RAD51B: variants seen among roughly 807,000 people sequenced by gnomAD.
The protein encoded by RAD51B is RAD51 paralog B, also known as DNA repair protein RAD51 homolog 2.
In RAD51B, 38 loss-of-function variants were observed where a neutral mutation model predicts 42.2. The observed-to-expected ratio is 0.90, with a 90% CI of 0.70 to 1.18. RAD51B has a LOEUF of 1.18. Among genes scored for constraint, RAD51B ranks in the 50% most tolerant of loss-of-function variants. The probability of loss-of-function intolerance (pLI) is 0.00; values close to 1 mark genes in which losing one functional copy is unlikely to be tolerated. For synonymous variants in RAD51B, 154 were observed against 145.2 expected (o/e 1.06, Z -0.43); for missense variants, 373 against 400.7 (o/e 0.93, Z 0.59).
chr14:68,469,501 T>C (rs2086069253), intron 10 of RAD51B, among the ~76,000 whole-genome samples: 1 of 152,268 alleles, frequency 6.6e-6, no homozygotes, highest in South Asian at 2.1e-4. Flanking sequence ...TGACTTATGC[T>C]ATCCAAGTTC....
chr14:68,612,479 AAGATG>A, downstream of RAD51B, among the ~76,000 whole-genome samples: 1 of 152,356 alleles, frequency 6.6e-6, no homozygotes, highest in South Asian at 2.1e-4. Context: ...GCTCTGGAAC[AAGATG>A]ACTCTTTGCC....
intron 9 of RAD51B, among the ~76,000 whole-genome samples, chr14:68,457,785 T>G (rs1029063329): frequency 2.5e-4 from 37 of 149,516 alleles, no homozygotes; most frequent in African/African-American, 8.8e-4. Context: ...TTTTTTTTTT[T>G]TTTTTTTTTA....
At chr14:67,920,052 G>A (rs2044272602) in intron 7 of RAD51B, among the ~76,000 whole-genome samples, 1 of 152,024 alleles carries the variant, frequency 6.6e-6, no homozygotes, top group South Asian at 2.1e-4. Flanking sequence ...ATATTGATAA[G>A]CATTCATCAG....
At chr14:67,979,672 A>G (rs1231360534) in intron 7 of RAD51B, among the ~76,000 whole-genome samples, 1 of 152,156 alleles carries the variant, frequency 6.6e-6, no homozygotes, top group Non-Finnish European at 1.5e-5. Context: ...AGTACTTTTG[A>G]ACCAAGCTTC....
intron 10 of RAD51B, among the ~76,000 whole-genome samples, chr14:68,474,667 C>T (rs1265382132): frequency 6.6e-6 from 1 of 152,194 alleles, no homozygotes; most frequent in Non-Finnish European, 1.5e-5. Flanking sequence ...CATCTTCCAT[C>T]AGGGAAGCCC....
intron 8 of RAD51B, among the ~76,000 whole-genome samples, chr14:68,346,605 C>CTGTAGCATG (rs1188689940): frequency 6.6e-6 from 1 of 152,240 alleles, no homozygotes; most frequent in African/African-American, 2.4e-5. Flanking sequence ...AGTCCCTCTT[C>CTGTAGCATG]TGTAGCATGT....
chr14:68,059,854 T>C (rs897421163), intron 7 of RAD51B, among the ~76,000 whole-genome samples: 1 of 152,252 alleles, frequency 6.6e-6, no homozygotes, highest in African/African-American at 2.4e-5. Context: ...TAAACTGAAT[T>C]ATAAATCCTG....
chr14:68,203,669 A>G (rs1023681445), intron 7 of RAD51B, among the ~76,000 whole-genome samples: 2 of 152,190 alleles, frequency 1.3e-5, no homozygotes, highest in African/African-American at 4.8e-5. Context: ...CCTTCTTCCA[A>G]TATGAGGCTA....
intron 7 of RAD51B, among the ~76,000 whole-genome samples, chr14:68,131,777 A>G (rs1270342406): frequency 6.6e-6 from 1 of 152,190 alleles, no homozygotes; most frequent in East Asian, 1.9e-4. Flanking sequence ...TTTGACTGCC[A>G]TGTGTTCACA....
At chr14:68,327,450 C>T (rs2082272736) in intron 8 of RAD51B, among the ~76,000 whole-genome samples, 1 of 150,086 alleles carries the variant, frequency 6.7e-6, no homozygotes, top group Non-Finnish European at 1.5e-5. Flanking sequence ...TCCTTCTACG[C>T]TTAGGCCAAG....
intron 7 of RAD51B, among the ~76,000 whole-genome samples, chr14:68,040,079 T>C (rs1372823535): frequency 2.0e-5 from 3 of 152,250 alleles, no homozygotes; most frequent in Admixed American, 6.5e-5. Context: ...CTTAATCTTA[T>C]GGATAGCTTC....
At chr14:67,947,366 C>T (rs2045431594) in intron 7 of RAD51B, among the ~76,000 whole-genome samples, 1 of 152,064 alleles carries the variant, frequency 6.6e-6, no homozygotes, top group Admixed American at 6.6e-5. Flanking sequence ...CAATATAAAT[C>T]GCTCTTTTGA....
intron 7 of RAD51B, among the ~76,000 whole-genome samples, chr14:68,172,491 A>C (rs17105081): frequency 0.015 from 2,357 of 152,322 alleles, 67 homozygotes; most frequent in African/African-American, 0.051. Flanking sequence ...CAAGTAGCTA[A>C]GAACAGGATT....
intron 7 of RAD51B, among the ~76,000 whole-genome samples, chr14:68,090,433 T>G (rs757096131): frequency 2.6e-5 from 4 of 152,174 alleles, no homozygotes; most frequent in Non-Finnish European, 5.9e-5. Flanking sequence ...CAAAACATAT[T>G]GCTATGACAT....
chr14:68,408,766 A>T (rs1431652865), intron 8 of RAD51B, among the ~76,000 whole-genome samples: 1 of 152,230 alleles, frequency 6.6e-6, no homozygotes, highest in Non-Finnish European at 1.5e-5. Flanking sequence ...AAAAGATGTG[A>T]TTATAAAAGT....
intron 7 of RAD51B, among the ~76,000 whole-genome samples, chr14:68,097,535 A>G (rs772645085): frequency 7.9e-5 from 12 of 152,284 alleles, no homozygotes; most frequent in African/African-American, 2.9e-4. Flanking sequence ...AGTCAGACTC[A>G]TTTGCTCACA....
chr14:68,551,227 C>G (rs1210756247), intron 10 of RAD51B, among the ~76,000 whole-genome samples: 4 of 152,162 alleles, frequency 2.6e-5, no homozygotes, highest in Admixed American at 2.6e-4. Context: ...GATCACTGTC[C>G]CTACAGCTCA....
intron 7 of RAD51B, 25 bp downstream of exon 7, chr14:67,887,229 T>C (rs1286747789): frequency 1.3e-6 from 2 of 1,521,322 alleles, no homozygotes; most frequent in Non-Finnish European, 1.8e-6. Flanking sequence ...TTTTCTCTTT[T>C]TTCTTTTCCT....
At chr14:68,648,124 TACAC>T (rs1566963602) in intron 10 of RAD51B, among the ~76,000 whole-genome samples, 1 of 64,372 alleles carries the variant, frequency 1.6e-5, no homozygotes, top group Non-Finnish European at 2.9e-5. Flanking sequence ...TATATATATA[TACAC>T]ACACGTATAT....
Sources: gnomAD v4.1 joint callset for allele counts (sites outside exome capture counted in the v4.1 genomes callset) on GRCh38, gnomAD v4.1.1 for gene constraint, MANE v1.5 for transcripts, NCBI Gene and HGNC (gene_info 2026-07-23, HGNC 2026-07-21) for gene names.